Variants in UPRT observed in about 807,000 individuals in gnomAD.
The protein encoded by UPRT is RP11-311P8.3.
In UPRT, 5 loss-of-function variants were observed where a neutral mutation model predicts 22.6. The observed-to-expected ratio is 0.22, with a 90% CI of 0.12 to 0.47. The LOEUF (loss-of-function observed/expected upper bound fraction) is 0.47, where lower values mean the gene tolerates loss of function less well. UPRT is among the 20% of genes least tolerant of loss of function. The probability of loss-of-function intolerance (pLI) is 0.99; values close to 1 mark genes in which losing one functional copy is unlikely to be tolerated. For missense variants in UPRT, 181 were observed against 239.9 expected, an observed-to-expected ratio of 0.75 and a Z score of 1.62; for synonymous variants, 77 against 87.7, an observed-to-expected ratio of 0.88 and a Z score of 0.68.
intron 4 of UPRT, among the ~76,000 whole-genome samples, chrX:75,261,017 G>A (rs184719904): frequency 6.5e-4 from 73 of 111,890 alleles, no homozygotes; most frequent in Admixed American, 2.7e-3. Flanking sequence ...GTTAAATAAC[G>A]AAATGAAAGC....
At chrX:75,173,600 C>T (rs1042736347) in intron 4 of UPRT, among the ~76,000 whole-genome samples, 2 of 112,824 alleles carry the variant, frequency 1.8e-5, no homozygotes, top group Admixed American at 9.3e-5. Flanking sequence ...TGCGCTCACA[C>T]TCCTCAGCCC....
At chrX:75,171,282 T>C (rs1221596672) in intron 4 of UPRT, among the ~76,000 whole-genome samples, 3 of 111,779 alleles carry the variant, frequency 2.7e-5, no homozygotes, top group African/African-American at 9.7e-5. Flanking sequence ...AATTATTTTT[T>C]CTTTGTCTTT....
At chrX:75,292,058 C>T (rs1293050331) in intron 1 of UPRT, among the ~76,000 whole-genome samples, 1 of 111,759 alleles carries the variant, frequency 8.9e-6, no homozygotes, top group Non-Finnish European at 1.9e-5. Context: ...GAAATTAAAA[C>T]TGACATTTCA....
chrX:75,205,637 G>C (rs1774634), intron 4 of UPRT, among the ~76,000 whole-genome samples: 1 of 111,569 alleles, frequency 9.0e-6, no homozygotes, highest in East Asian at 2.8e-4. Flanking sequence ...GAGTAGTTAA[G>C]ATAACCTGGT....
At chrX:75,272,319 T>TATATATACAC (rs369391024), upstream of UPRT, among the ~76,000 whole-genome samples, 1 of 88,344 alleles carries the variant, frequency 1.1e-5, no homozygotes, top group Admixed American at 1.3e-4. Flanking sequence ...TGTGTATATA[T>TATATATACAC]ACATATATAT....
intron 4 of UPRT, 69 bp downstream of exon 4, chrX:75,297,622 A>T (rs774461225): frequency 9.0e-7 from 1 of 1,109,398 alleles, no homozygotes; most frequent in African/African-American, 1.8e-5. Context: ...TCCAGAAGAG[A>T]GGCAGGCTTG....
intron 4 of UPRT, among the ~76,000 whole-genome samples, chrX:75,186,160 G>A (rs2082290122): frequency 1.8e-5 from 2 of 111,039 alleles, no homozygotes; most frequent in South Asian, 7.9e-4. Context: ...TGGGCATGTA[G>A]TGCTATAAAT....
At chrX:75,237,109 A>G (rs1164268083) in intron 4 of UPRT, among the ~76,000 whole-genome samples, 3 of 112,147 alleles carry the variant, frequency 2.7e-5, no homozygotes, top group Non-Finnish European at 5.6e-5. Context: ...CAAGGAAAAA[A>G]CAAACAAACC....
intron 4 of UPRT, among the ~76,000 whole-genome samples, chrX:75,196,524 A>G (rs1429852161): frequency 8.9e-6 from 1 of 112,352 alleles, no homozygotes; most frequent in Non-Finnish European, 1.9e-5. Flanking sequence ...GGATAGATGC[A>G]TCAGTGAGTT....
intron 3 of UPRT, among the ~76,000 whole-genome samples, chrX:75,167,347 A>G (rs1274041213): frequency 9.0e-6 from 1 of 111,680 alleles, no homozygotes; most frequent in Non-Finnish European, 1.9e-5. Context: ...TGTTGGTTGT[A>G]TGTATTACAA....
In UPRT at chrX:75,303,416, A is replaced by G. The variant is rs1181611332; in HGVS notation, c.835A>G (p.Ile279Val). The G allele has an allele frequency of 1.7e-6, 2 of 1,203,302 alleles. No individual in the cohort carries two copies. The highest frequency in any genetic ancestry group is 3.5e-5 in the African/African-American group (2 of 56,929). The change falls in exon 7 of 7, where the codon ATC (isoleucine) becomes GTC (valine). Residue 279 changes from isoleucine (I) to valine (V), a missense_variant. Ile to Val is a conservative substitution (Grantham distance 29, BLOSUM62 3). Around this residue, in one of 2 missense-constraint regions of UPRT, gnomAD observed 70 missense variants for 137.0 expected, o/e 0.51. Transcript: ENST00000373383. ...LFSTPHGAKS[I>V]IQEFPEITIL... ...TTGTTTTTTTGAAGGTGCCAAATCA[A>G]TCATTCAGGAGTTTCCAGAGATCAC...
intron 4 of UPRT, among the ~76,000 whole-genome samples, chrX:75,180,022 C>T (rs2082263874): frequency 8.9e-6 from 1 of 112,781 alleles, no homozygotes; most frequent in Non-Finnish European, 1.9e-5. Context: ...GGAGCCCAGG[C>T]AGAGGAGGTG....
intron 4 of UPRT, among the ~76,000 whole-genome samples, chrX:75,186,301 G>A (rs866771571): frequency 2.6e-4 from 29 of 111,723 alleles, no homozygotes; most frequent in African/African-American, 8.8e-4. Flanking sequence ...TTCAGGAGCA[G>A]GTTGTTCAGT....
intron 4 of UPRT, among the ~76,000 whole-genome samples, chrX:75,209,024 T>C (rs974113792): frequency 1.8e-5 from 2 of 111,538 alleles, no homozygotes; most frequent in African/African-American, 6.5e-5. Flanking sequence ...TGCCTCAAGA[T>C]AGGAGTAGGG....
At chrX:75,235,812 C>G (rs2082460469) in intron 4 of UPRT, among the ~76,000 whole-genome samples, 1 of 111,471 alleles carries the variant, frequency 9.0e-6, no homozygotes, top group African/African-American at 3.3e-5. Context: ...ATAATAAGAG[C>G]TATCTATGAC....
Position 75,258,249 on chromosome X carries a change from C to T in UPRT, c.-446-32775C>T, listed in dbSNP as rs759073621. Among the ~76,000 whole-genome samples the T allele has an allele frequency of 5.4e-4, 51 of 93,741 alleles. 1 individual carries two copies. The highest frequency in any genetic ancestry group is 2.0e-3 in the African/African-American group (51 of 24,961). The allele number at this position is 93,741 out of a possible 115,157, so 81.4% of individuals were successfully genotyped here. On this transcript the variant is annotated intron_variant, in intron 4 of 13. Coordinates refer to the UPRT transcript ENST00000652605. ...TTTTTTTTTTTCCATACGCCAGTAG[C>T]GCATGGAACACCAGTGAGATAGGAC...
intron 1 of UPRT, among the ~76,000 whole-genome samples, chrX:75,291,783 G>A (rs886076307): frequency 9.0e-6 from 1 of 111,550 alleles, no homozygotes; most frequent in African/African-American, 3.3e-5. Context: ...GTTACTTGGA[G>A]TGGTAAATGA....
At chrX:75,235,861 G>A (rs1480044384) in intron 4 of UPRT, among the ~76,000 whole-genome samples, 1 of 111,565 alleles carries the variant, frequency 9.0e-6, no homozygotes, top group African/African-American at 3.3e-5. Flanking sequence ...GGCAAAAACT[G>A]GAAGCATTCC....
At chrX:75,160,038 GA>G (rs1295305180) in intron 1 of UPRT, among the ~76,000 whole-genome samples, 2 of 110,637 alleles carry the variant, frequency 1.8e-5, no homozygotes, top group African/African-American at 6.6e-5. Context: ...AAAGTGCTGG[GA>G]TTACAGGCGT....
Sources: allele counts gnomAD v4.1 joint callset (sites outside exome capture counted in the v4.1 genomes callset), GRCh38; gene constraint gnomAD v4.1.1; regional missense constraint gnomAD v4.1.1; transcripts MANE v1.5; gene names NCBI Gene and HGNC (gene_info 2026-07-23, HGNC 2026-07-21).